The following SNX13 variants were observed in gnomAD, a reference collection of about 807,000 sequenced individuals.
SNX13 encodes sorting nexin 13.
SNX13 carries 45 observed loss-of-function variants against 133.6 expected under a neutral mutation model. That is an observed-to-expected ratio of 0.34 (90% CI 0.27 to 0.43). SNX13 has a LOEUF of 0.43. SNX13 is among the 20% of genes least tolerant of loss of function. The pLI is 1.00. For missense variants in SNX13, 1,032 were observed against 1,145.1 expected, an observed-to-expected ratio of 0.90 and a Z score of 1.43; for synonymous variants, 414 against 373.9, an observed-to-expected ratio of 1.11 and a Z score of -1.24.
intron 5 of SNX13, among the ~76,000 whole-genome samples, chr7:17,885,025 G>C (rs188768517): frequency 1.3e-5 from 2 of 152,232 alleles, no homozygotes; most frequent in Admixed American, 6.5e-5. Flanking sequence ...GGAAACATTT[G>C]TCCCTCAAAA....
At chr7:17,916,297 C>T (rs1799557727) in intron 1 of SNX13, among the ~76,000 whole-genome samples, 1 of 151,934 alleles carries the variant, frequency 6.6e-6, no homozygotes, top group African/African-American at 2.4e-5. Flanking sequence ...AAGAAGAAAG[C>T]AAATAACTAA....
intron 2 of SNX13, among the ~76,000 whole-genome samples, chr7:17,895,748 A>G (rs1262802364): frequency 1.3e-5 from 2 of 152,182 alleles, no homozygotes; most frequent in African/African-American, 4.8e-5. Context: ...TGGTTTTATT[A>G]AAGATTAAAA....
intron 1 of SNX13, among the ~76,000 whole-genome samples, chr7:17,920,172 G>A (rs1273783151): frequency 6.6e-6 from 1 of 152,110 alleles, no homozygotes; most frequent in Non-Finnish European, 1.5e-5. Context: ...ATGTTTAAAA[G>A]TATAAAAGCT....
chr7:17,934,280 T>C (rs6962380), intron 1 of SNX13, among the ~76,000 whole-genome samples: 86,768 of 152,014 alleles, frequency 0.57, 25,707 homozygotes, highest in Non-Finnish European at 0.65. Context: ...AGGCACTTCA[T>C]GGTCTATGAA....
chr7:17,839,682 G>T, intron 13 of SNX13, 125 bp downstream of exon 13: 1 of 713,126 alleles, frequency 1.4e-6, no homozygotes, highest in Non-Finnish European at 2.2e-6. Flanking sequence ...CAGACAGACA[G>T]GAAGATTGTT....
chr7:17,800,875 T>G (rs1328743818), intron 22 of SNX13, among the ~76,000 whole-genome samples: 2 of 150,910 alleles, frequency 1.3e-5, no homozygotes, highest in African/African-American at 2.4e-5. Flanking sequence ...ACAACCAGAA[T>G]GGCTAAAATT....
rs917966876 is a variant in SNX13, at chr7:17,796,903, A to T, written c.2550T>A (p.Ala850=). Residue 850 remains alanine (A), a synonymous_variant, in exon 25 of 26, where the codon GCT becomes GCA. Transcript: ENST00000428135. ...AFWPNGILAE[A]VPCRDKSIRM... ...GAATACTTTTATCTCTGCATGGAAC[A>T]GCCTCTGCTAAAATGCCATTTGGCC... 4.2e-5 allele frequency: 67 copies of T among 1,611,016 alleles called. No homozygotes were observed. Among genetic ancestry groups the T allele is most frequent in the Non-Finnish European group, 5.3e-5 (63 of 1,178,092 alleles).
At chr7:17,918,024 G>A (rs981178647) in intron 1 of SNX13, among the ~76,000 whole-genome samples, 2 of 151,946 alleles carry the variant, frequency 1.3e-5, no homozygotes, top group Non-Finnish European at 2.9e-5. Flanking sequence ...ACTGACCTTC[G>A]ACAACATCGA....
chr7:17,815,218 A>C (rs1786524595), intron 19 of SNX13, among the ~76,000 whole-genome samples: 1 of 152,172 alleles, frequency 6.6e-6, no homozygotes, highest in South Asian at 2.1e-4. Context: ...TTTTATTTTC[A>C]GATCTTACAG....
Position 17,814,818 on chromosome 7 carries a change from T to C in SNX13, c.2064+16A>G, listed in dbSNP as rs779211998. 4.7e-6 allele frequency: 7 copies of C among 1,494,168 alleles called. 1 individual carries two copies. The South Asian group carries it at 9.6e-5, about 20-fold the overall frequency. 92.6% of individuals were successfully genotyped at this position (1,494,168 alleles called of 1,614,324 possible). Reference sequence around the variant, plus strand: ...AGACCTAGAAAGAAACCCAGTGCAGTGGTCTGCTTACTTACCTTGCGAGCA... The same window carrying C: ...AGACCTAGAAAGAAACCCAGTGCAGCGGTCTGCTTACTTACCTTGCGAGCA... On this transcript the variant is annotated intron_variant, in intron 20 of 25. Coordinates refer to ENST00000428135, the MANE Select transcript of SNX13 (RefSeq NM_015132.5).
chr7:17,832,198 T>A (rs1272618106), intron 15 of SNX13: 6 of 984,412 alleles, frequency 6.1e-6, no homozygotes, highest in Non-Finnish European at 1.2e-6. Flanking sequence ...TTAATGTACT[T>A]CGTGTTTTAA....
At chr7:17,934,480 T>C (rs992917649) in intron 1 of SNX13, among the ~76,000 whole-genome samples, 1 of 152,170 alleles carries the variant, frequency 6.6e-6, no homozygotes, top group African/African-American at 2.4e-5. Context: ...GAGATTAGCA[T>C]GTGAGTCTGA....
intron 13 of SNX13, among the ~76,000 whole-genome samples, chr7:17,839,019 G>A (rs537963404): frequency 4.7e-5 from 7 of 149,470 alleles, no homozygotes. Context: ...TATTAGAATT[G>A]TTATTAGATT....
intron 11 of SNX13, among the ~76,000 whole-genome samples, chr7:17,847,868 T>C (rs1244322042): frequency 6.6e-6 from 1 of 152,188 alleles, no homozygotes; most frequent in Non-Finnish European, 1.5e-5. Flanking sequence ...CGTTATCCTT[T>C]GATACACCTC....
chr7:17,858,456 A>G (rs1345480171), intron 9 of SNX13, among the ~76,000 whole-genome samples: 4 of 152,018 alleles, frequency 2.6e-5, no homozygotes, highest in Admixed American at 2.6e-4. Context: ...ATACATAAAC[A>G]CTAAAAATTA....
intron 12 of SNX13, 59 bp downstream of exon 12, chr7:17,845,536 T>TA (rs1173852008): frequency 1.8e-5 from 20 of 1,082,738 alleles, no homozygotes; most frequent in Admixed American, 1.1e-4. Flanking sequence ...TATTTTACAA[T>TA]AAAAAATCGA....
At chr7:17,825,936 G>A in intron 17 of SNX13, 86 bp downstream of exon 17, 4 of 925,296 alleles carry the variant, frequency 4.3e-6, no homozygotes, top group East Asian at 2.8e-5. Flanking sequence ...CAAAAAAATG[G>A]TTAGTAAAAA....
chr7:17,823,810 T>G (rs1008053869), intron 17 of SNX13, among the ~76,000 whole-genome samples: 2 of 152,056 alleles, frequency 1.3e-5, no homozygotes, highest in African/African-American at 4.8e-5. Context: ...AAGATAGGTT[T>G]GGGAAAGGAA....
intron 5 of SNX13, chr7:17,879,775 T>C (rs1341494545): frequency 6.6e-6 from 1 of 152,238 alleles, no homozygotes; most frequent in Non-Finnish European, 1.5e-5. Flanking sequence ...CTGACACAGA[T>C]GCCTTTGATT....
Sources: allele counts gnomAD v4.1 joint callset (sites outside exome capture counted in the v4.1 genomes callset), GRCh38; gene constraint gnomAD v4.1.1; transcripts MANE v1.5; gene names NCBI Gene and HGNC (gene_info 2026-07-23, HGNC 2026-07-21).